THSD7B: variants seen among roughly 807,000 people sequenced by gnomAD.
THSD7B encodes the protein thrombospondin type 1 domain containing 7B.
Under a neutral mutation model 213.6 loss-of-function variants are expected in THSD7B, and 138 were observed. The observed-to-expected ratio is 0.65, with a 90% CI of 0.56 to 0.74. THSD7B has a LOEUF of 0.74. THSD7B is among the 30% of genes least tolerant of loss of function. THSD7B has a pLI of 0.00. For synonymous variants in THSD7B, 742 were observed against 687.0 expected (o/e 1.08, Z -1.25); for missense variants, 1,931 against 1,991.5 (o/e 0.97, Z 0.58).
intron 1 of THSD7B, among the ~76,000 whole-genome samples, chr2:136,875,656 C>T (rs79480553): frequency 1.3e-5 from 2 of 152,108 alleles, no homozygotes; most frequent in African/African-American, 4.8e-5. Context: ...TTTCTCCAAG[C>T]CACTCTATCC....
intron 12 of THSD7B, among the ~76,000 whole-genome samples, chr2:137,337,132 G>A (rs1228361707): frequency 2.0e-5 from 3 of 151,520 alleles, no homozygotes; most frequent in Non-Finnish European, 4.4e-5. Flanking sequence ...ACCTAAACCA[G>A]GACATCAGCA....
intron 2 of THSD7B, among the ~76,000 whole-genome samples, chr2:136,994,430 G>C (rs1338422086): frequency 6.6e-6 from 1 of 152,132 alleles, no homozygotes. Context: ...AGCTGGGCGT[G>C]GTGGCGGGCG....
At chr2:137,516,183 A>G (rs1680064458) in intron 15 of THSD7B, among the ~76,000 whole-genome samples, 1 of 149,048 alleles carries the variant, frequency 6.7e-6, no homozygotes, top group Non-Finnish European at 1.5e-5. Context: ...GACATGGGCT[A>G]ACTAATCACG....
intron 2 of THSD7B, among the ~76,000 whole-genome samples, chr2:137,038,419 C>T (rs894545696): frequency 8.5e-5 from 13 of 152,310 alleles, no homozygotes; most frequent in Middle Eastern, 3.4e-3. Flanking sequence ...AAAATCCACA[C>T]TGCTGATGAG....
rs554291779 is a variant in THSD7B at position 137,493,688 on chromosome 2, C to T, written c.3138+42665C>T. 2.0e-4 allele frequency among the ~76,000 whole-genome samples: 30 copies of T among 152,332 alleles called. No individual in the cohort carries two copies. In the South Asian group the frequency reaches 5.4e-3, roughly 27 times the overall value. On this transcript the variant is annotated intron_variant, in intron 15 of 27. Coordinates refer to ENST00000409968, the MANE Select transcript of THSD7B (RefSeq NM_001316349.2). Reference sequence around the variant, plus strand: ...AGATATAAGCCAAGTTGCTGACAACCTTTAAGTCTGCAGTCTTCTAAAATG... The same window carrying T: ...AGATATAAGCCAAGTTGCTGACAACTTTTAAGTCTGCAGTCTTCTAAAATG...
intron 1 of THSD7B, among the ~76,000 whole-genome samples, chr2:136,801,782 G>A (rs922014106): frequency 2.6e-5 from 4 of 152,126 alleles, no homozygotes; most frequent in African/African-American, 9.7e-5. Flanking sequence ...TTGTGCAGCT[G>A]TGAATGGCTA....
chr2:137,146,524 C>T (rs1679706567), intron 5 of THSD7B, among the ~76,000 whole-genome samples: 2 of 152,078 alleles, frequency 1.3e-5, no homozygotes, highest in South Asian at 4.2e-4. Context: ...ACTAGTAGTA[C>T]TCATCTCATA....
intron 10 of THSD7B, among the ~76,000 whole-genome samples, chr2:137,270,619 T>C (rs1682710413): frequency 6.6e-6 from 1 of 152,064 alleles, no homozygotes; most frequent in African/African-American, 2.4e-5. Flanking sequence ...TGACACGACA[T>C]TGGGAGCCAT....
At chr2:137,108,085 G>T (rs1688288479) in intron 4 of THSD7B, among the ~76,000 whole-genome samples, 1 of 152,162 alleles carries the variant, frequency 6.6e-6, no homozygotes, top group African/African-American at 2.4e-5. Flanking sequence ...TTGCACTAGG[G>T]TTTCAATTCC....
chr2:136,853,868 T>C (rs1683136098), intron 1 of THSD7B, among the ~76,000 whole-genome samples: 1 of 152,188 alleles, frequency 6.6e-6, no homozygotes, highest in African/African-American at 2.4e-5. Context: ...GGTATAATTA[T>C]GTACTCTCAT....
chr2:137,041,033 T>C (rs1686873384), intron 2 of THSD7B, among the ~76,000 whole-genome samples: 1 of 152,202 alleles, frequency 6.6e-6, no homozygotes, highest in Non-Finnish European at 1.5e-5. Flanking sequence ...ATATTAAATT[T>C]CCGTATCTAG....
At chr2:137,100,114 T>TC (rs1435907815) in intron 4 of THSD7B, among the ~76,000 whole-genome samples, 4 of 151,528 alleles carry the variant, frequency 2.6e-5, no homozygotes, top group East Asian at 1.9e-4. Flanking sequence ...ACATCCTTTT[T>TC]TCTTGAGAAA....
At chr2:136,819,352 C>T (rs1428376502) in intron 1 of THSD7B, among the ~76,000 whole-genome samples, 2 of 152,116 alleles carry the variant, frequency 1.3e-5, no homozygotes, top group East Asian at 1.9e-4. Context: ...GTCCCCCATC[C>T]CCTACTCCCT....
At chr2:136,916,230 T>C (rs1313068484) in intron 2 of THSD7B, among the ~76,000 whole-genome samples, 1 of 152,206 alleles carries the variant, frequency 6.6e-6, no homozygotes, top group Non-Finnish European at 1.5e-5. Flanking sequence ...TGGTTATCTG[T>C]GGTCTGTGGG....
At chr2:137,585,481 T>C (rs1024645359) in intron 17 of THSD7B, among the ~76,000 whole-genome samples, 2 of 152,190 alleles carry the variant, frequency 1.3e-5, no homozygotes, top group Non-Finnish European at 2.9e-5. Flanking sequence ...CATTTAGTGC[T>C]ATATATTTCC....
intron 13 of THSD7B, among the ~76,000 whole-genome samples, chr2:137,410,868 C>A (rs1161615187): frequency 2.0e-5 from 3 of 152,122 alleles, no homozygotes; most frequent in Non-Finnish European, 2.9e-5. Flanking sequence ...GTGTTAACAG[C>A]AAAGTTGAAT....
At chr2:137,031,606 A>G (rs899407984) in intron 2 of THSD7B, among the ~76,000 whole-genome samples, 7 of 152,204 alleles carry the variant, frequency 4.6e-5, no homozygotes, top group African/African-American at 1.4e-4. Context: ...ATATTCAAAA[A>G]GAGGCATAAC....
rs1287863615 is a variant in THSD7B at position 137,317,929 on chromosome 2, T to A, written c.2500+41903T>A. 1.3e-5 allele frequency among the ~76,000 whole-genome samples: 2 copies of A among 151,986 alleles called. 1 individual carries two copies. The highest frequency in any genetic ancestry group is 4.8e-5 in the African/African-American group (2 of 41,380). ...GTGACAGAGCAAGACCCTGTCTCTA[T>A]GGGGGAGGGGGGAAGAAAAAGGATC... is the stretch of plus-strand genomic sequence containing the variant. On this transcript the variant is annotated intron_variant, in intron 12 of 27. Transcript: ENST00000409968.
chr2:136,784,358 A>G (rs1054781968), intron 1 of THSD7B, among the ~76,000 whole-genome samples: 1 of 152,142 alleles, frequency 6.6e-6, no homozygotes, highest in African/African-American at 2.4e-5. Context: ...CATTCCTTCT[A>G]TCATTTAGAA....
Sources: allele counts gnomAD v4.1 joint callset (sites outside exome capture counted in the v4.1 genomes callset), GRCh38; gene constraint gnomAD v4.1.1; transcripts MANE v1.5; gene names NCBI Gene and HGNC (gene_info 2026-07-23, HGNC 2026-07-21).